Variants in RAI14 observed in about 807,000 individuals in gnomAD.
RAI14 encodes retinoic acid induced 14, also known as ankycorbin.
Under a neutral mutation model 115.4 loss-of-function variants are expected in RAI14, and 45 were observed. The ratio of observed to expected loss-of-function variants is 0.39; its 90% CI spans 0.31 to 0.50. RAI14 has a LOEUF of 0.50. Ranked by LOEUF, RAI14 falls within the 20% of genes least tolerant of loss-of-function variation. The pLI, the probability that RAI14 is intolerant of heterozygous loss-of-function variation, is 0.85. For synonymous variants in RAI14, 371 were observed against 415.4 expected (o/e 0.89, Z 1.30); for missense variants, 939 against 1,131.2 (o/e 0.83, Z 2.44).
At chr5:34,733,399 T>C (rs1744438883) in intron 2 of RAI14, 2 of 152,352 alleles carry the variant, frequency 1.3e-5, no homozygotes, top group Middle Eastern at 3.4e-3. Flanking sequence ...ATGTAATTGA[T>C]TTATTGAACT....
At chr5:34,826,904 A>G (rs1757509117) in intron 16 of RAI14, among the ~76,000 whole-genome samples, 1 of 152,158 alleles carries the variant, frequency 6.6e-6, no homozygotes, top group Admixed American at 6.5e-5. Flanking sequence ...TATTTCACCC[A>G]GGAAAGCCCT....
At chr5:34,699,145 A>G (rs1469128722) in intron 2 of RAI14, among the ~76,000 whole-genome samples, 9 of 152,232 alleles carry the variant, frequency 5.9e-5, no homozygotes, top group Admixed American at 5.9e-4. Flanking sequence ...GTTTGGGTAC[A>G]ACTATTTACC....
chr5:34,694,792 C>G (rs1739019396), intron 2 of RAI14, among the ~76,000 whole-genome samples: 1 of 152,138 alleles, frequency 6.6e-6, no homozygotes, highest in Admixed American at 6.5e-5. Context: ...AGATGTATTT[C>G]CCAATGCTGA....
At chr5:34,783,836 T>C (rs1367888312) in intron 3 of RAI14, among the ~76,000 whole-genome samples, 1 of 152,254 alleles carries the variant, frequency 6.6e-6, no homozygotes, top group Non-Finnish European at 1.5e-5. Context: ...TGGGGCATTA[T>C]CTGTTTTAAT....
At chr5:34,701,970 G>A (rs961949978) in intron 2 of RAI14, among the ~76,000 whole-genome samples, 3 of 151,988 alleles carry the variant, frequency 2.0e-5, no homozygotes, top group Admixed American at 6.5e-5. Context: ...CTGCTACCAC[G>A]CCCGGCTAAT....
intron 17 of RAI14, 146 bp from the exon 18 acceptor site, chr5:34,830,542 T>C: frequency 7.2e-7 from 1 of 1,386,302 alleles, no homozygotes; most frequent in South Asian, 1.5e-5. Context: ...TCATAGAAAT[T>C]TGGGAAATGA....
intron 16 of RAI14, among the ~76,000 whole-genome samples, chr5:34,828,994 T>A (rs542030531): frequency 6.6e-6 from 1 of 152,260 alleles, no homozygotes; most frequent in African/African-American, 2.4e-5. Context: ...CTCTAACAAG[T>A]TCCTATAAAT....
At chr5:34,693,840 TCAC>T (rs1423257848) in intron 2 of RAI14, among the ~76,000 whole-genome samples, 5 of 152,176 alleles carry the variant, frequency 3.3e-5, no homozygotes, top group Admixed American at 2.0e-4. Flanking sequence ...TGATTTTACA[TCAC>T]CACAAGTCCA....
intron 1 of RAI14, among the ~76,000 whole-genome samples, chr5:34,686,669 GT>G (rs1393665070): frequency 1.3e-5 from 2 of 152,028 alleles, no homozygotes; most frequent in African/African-American, 4.8e-5. Context: ...AAAAATTAAG[GT>G]TTTGGTTAAT....
chr5:34,728,465 G>A (rs1485075957), intron 2 of RAI14: 4 of 152,190 alleles, frequency 2.6e-5, no homozygotes, highest in African/African-American at 9.7e-5. Context: ...GGACCCAGTG[G>A]GAGGTAACTG....
intron 2 of RAI14, chr5:34,687,826 T>G: frequency 7.3e-7 from 1 of 1,377,858 alleles, no homozygotes; most frequent in East Asian, 2.5e-5. Context: ...TTTTGACAGC[T>G]TGGCACAGCT....
At chr5:34,794,908 CATTA>C (rs1447667948) in intron 3 of RAI14, among the ~76,000 whole-genome samples, 4 of 152,140 alleles carry the variant, frequency 2.6e-5, no homozygotes, top group Non-Finnish European at 5.9e-5. Context: ...ATTATCTGGG[CATTA>C]ATTCAGAGGT....
chr5:34,715,913 A>C, intron 2 of RAI14: 1 of 255,860 alleles, frequency 3.9e-6, no homozygotes, highest in Admixed American at 5.9e-5. Context: ...CAAAATTCTT[A>C]CAATACTGGA....
intron 2 of RAI14, among the ~76,000 whole-genome samples, chr5:34,754,216 A>C (rs1195732583): frequency 1.3e-5 from 2 of 152,188 alleles, no homozygotes; most frequent in Non-Finnish European, 2.9e-5. Context: ...TGCTTCTGGA[A>C]GGAGCATGAT....
intron 3 of RAI14, among the ~76,000 whole-genome samples, chr5:34,792,623 C>T (rs774596595): frequency 6.6e-6 from 1 of 152,102 alleles, no homozygotes; most frequent in Non-Finnish European, 1.5e-5. Flanking sequence ...ACAACAAACA[C>T]CTGGATGTTA....
chr5:34,806,656 C>T (rs1412870309), intron 5 of RAI14, among the ~76,000 whole-genome samples: 1 of 151,908 alleles, frequency 6.6e-6, no homozygotes, highest in Non-Finnish European at 1.5e-5. Context: ...AGCTGAATCG[C>T]TGGTTTCTGG....
intron 3 of RAI14, among the ~76,000 whole-genome samples, chr5:34,788,461 G>C (rs1752568749): frequency 6.6e-6 from 1 of 152,128 alleles, no homozygotes; most frequent in South Asian, 2.1e-4. Context: ...CCTGCTAAAA[G>C]CCGAGCTCCA....
rs1580061961 is a variant in RAI14, at chr5:34,731,441, A to G, written c.37-26027A>G. ...TGATATACCTCAGATGAACTCTTCT[A>G]TTAAACATCTGTGTATTTGTGCATC... On this transcript the variant is annotated intron_variant, in intron 2 of 17. Coordinates refer to ENST00000265109, the MANE Select transcript of RAI14 (RefSeq NM_015577.3). Among the ~76,000 whole-genome samples, 3 of 152,238 alleles carry G rather than the reference A, an allele frequency of 2.0e-5. No individual in the cohort carries two copies. In the East Asian group the frequency reaches 5.8e-4, roughly 29 times the overall value.
chr5:34,808,666 G>A lies in RAI14; in HGVS notation c.450+12G>A. On this transcript the variant is annotated intron_variant, in intron 7 of 17. Transcript: ENST00000265109. ...ACCTCAAAGATTTGGTAAGTACCAGGTGGTCACTAGAGGCAGAGGTAGACA... is the reference window on the plus strand; with the variant it reads ...ACCTCAAAGATTTGGTAAGTACCAGATGGTCACTAGAGGCAGAGGTAGACA... 1 of 1,612,364 alleles carries A rather than the reference G, an allele frequency of 6.2e-7. No individual in the cohort carries two copies. The highest frequency in any genetic ancestry group is 8.5e-7 in the Non-Finnish European group (1 of 1,178,386).
Sources: gnomAD v4.1 joint callset for allele counts (sites outside exome capture counted in the v4.1 genomes callset) on GRCh38, gnomAD v4.1.1 for gene constraint, MANE v1.5 for transcripts, NCBI Gene and HGNC (gene_info 2026-07-23, HGNC 2026-07-21) for gene names.